The following DENND2D variants were observed in gnomAD, a reference collection of about 807,000 sequenced individuals.
DENND2D encodes DENN domain-containing protein 2D.
DENND2D carries 37 observed loss-of-function variants against 59.8 expected under a neutral mutation model. The observed-to-expected ratio is 0.62, with a 90% confidence interval of 0.48 to 0.81. The LOEUF (loss-of-function observed/expected upper bound fraction) is 0.81. DENND2D is among the 40% of genes least tolerant of loss of function. DENND2D has a pLI of 0.00. For synonymous variants in DENND2D, 219 were observed against 211.3 expected (o/e 1.04, Z -0.31); for missense variants, 525 against 579.7 (o/e 0.91, Z 0.97).
At chr1:111,197,647 C>G in intron 4 of DENND2D, 1 of 1,375,500 alleles carries the variant, frequency 7.3e-7, no homozygotes, top group Non-Finnish European at 9.4e-7. Flanking sequence ...GTAAGCAGGC[C>G]TGGATAGAGC....
intron 5 of DENND2D, 95 bp downstream of exon 5, chr1:111,197,081 G>A (rs917939923): frequency 7.3e-7 from 1 of 1,372,194 alleles, no homozygotes; most frequent in Non-Finnish European, 1.0e-6. Flanking sequence ...CTGGCTATGG[G>A]AGAAGAGCTC....
chr1:111,204,285 C>A, upstream of DENND2D: 2 of 1,473,114 alleles, frequency 1.4e-6, no homozygotes, highest in Non-Finnish European at 1.8e-6. Context: ...CTCTCCCCGG[C>A]CGGCACTAAC....
chr1:111,196,905 G>C, intron 5 of DENND2D: 2 of 412,354 alleles, frequency 4.9e-6, no homozygotes, highest in Non-Finnish European at 9.0e-6. Context: ...CAGGGCAGAA[G>C]TTTCTTCTGC....
At chr1:111,197,371 G>C in intron 4 of DENND2D, 118 bp from the exon 5 acceptor site, 1 of 1,499,836 alleles carries the variant, frequency 6.7e-7, no homozygotes, top group African/African-American at 1.4e-5. Flanking sequence ...GGAATGGTGG[G>C]TGCAGCAGGG....
At chr1:111,194,823 C>A in intron 6 of DENND2D, 97 bp from the exon 7 acceptor site, 1 of 1,383,776 alleles carries the variant, frequency 7.2e-7, no homozygotes, top group South Asian at 1.3e-5. Flanking sequence ...TCCTTCTGCC[C>A]CCAGGAGTGA....
At chr1:111,197,777 C>T (rs1396611043) in intron 4 of DENND2D, 143 bp downstream of exon 4, 1 of 1,457,906 alleles carries the variant, frequency 6.9e-7, no homozygotes, top group Non-Finnish European at 9.0e-7. Flanking sequence ...GGAGCACTAG[C>T]ATGGCAGCAG....
In DENND2D at chr1:111,195,688, A is replaced by G; in HGVS notation, c.645+228T>C. 5.7e-6 allele frequency: 3 copies of G among 521,922 alleles called. No individual in the cohort carries two copies. In the South Asian group the frequency reaches 6.3e-5, roughly 11 times the overall value. The allele number at this position is 521,922 out of a possible 1,614,324, so 32.3% of individuals were successfully genotyped here. Reference sequence around the variant, plus strand: ...CTTACATGGTTTATTTATTATAAATAAAAGTCTTGGTGGCTTGAGCAGTAA... The same window carrying G: ...CTTACATGGTTTATTTATTATAAATGAAAGTCTTGGTGGCTTGAGCAGTAA... On this transcript the variant is annotated intron_variant, in intron 6 of 11. Coordinates refer to ENST00000357640, the MANE Select transcript of DENND2D (RefSeq NM_024901.5).
intron 5 of DENND2D, 75 bp downstream of exon 5, chr1:111,197,101 C>T (rs1571192609): frequency 6.7e-7 from 1 of 1,502,800 alleles, no homozygotes; most frequent in East Asian, 2.4e-5. Context: ...CCACTAAGAG[C>T]TTAGTTGCAC....
chr1:111,203,115 CTG>C (rs1237733157), upstream of DENND2D, among the ~76,000 whole-genome samples: 1 of 152,242 alleles, frequency 6.6e-6, no homozygotes, highest in Non-Finnish European at 1.5e-5. Flanking sequence ...CTGCCCCAAA[CTG>C]TGGTCTCTGA....
chr1:111,186,977 GTGC>G lies in DENND2D; in HGVS notation c.*625_*627del, dbSNP rs1657286692. ...CAAGGACTTAGATGCCCTGTGTCCA[GTGC>G]TGCTGCTGCTTTTACCAGTATCTCT... On this transcript the variant is annotated 3_prime_UTR_variant, in exon 12 of 12. Coordinates refer to ENST00000357640, the MANE Select transcript of DENND2D (RefSeq NM_024901.5). Among the ~76,000 whole-genome samples the G allele has an allele frequency of 6.6e-6, 1 of 152,146 alleles. No individual in the cohort carries two copies. The highest frequency in any genetic ancestry group is 2.4e-5 in the African/African-American group (1 of 41,444).
chr1:111,192,188 T>G lies in DENND2D; in HGVS notation c.924A>C (p.Gly308=). 6.2e-7 allele frequency: 1 copy of G among 1,613,620 alleles called. No individual in the cohort carries two copies. Among genetic ancestry groups the G allele is most frequent in the Non-Finnish European group, 8.5e-7 (1 of 1,179,764 alleles). The change falls in exon 8 of 12, where the codon GGA becomes GGC. Residue 308 remains glycine (G), a synonymous_variant. Transcript: ENST00000357640. ...TVCCPTPFMV[G]VQMRFQQEVM... is the part of the protein sequence containing the mutation. ...CCTCCTGCTGGAAGCGCATTTGTAC[T>G]CCAACCATGAAGGGGGTGGGGCAGC... is the stretch of plus-strand genomic sequence containing the variant.
chr1:111,203,802 G>A (rs546843151), upstream of DENND2D, among the ~76,000 whole-genome samples: 7 of 152,296 alleles, frequency 4.6e-5, no homozygotes, highest in East Asian at 1.4e-3. Context: ...TCATCGGGGA[G>A]ACCTGTGTTT....
chr1:111,200,636 A>C lies in DENND2D; in HGVS notation c.-177T>G, dbSNP rs909572622. On this transcript the variant is annotated 5_prime_UTR_variant, in exon 1 of 12. Coordinates refer to ENST00000357640, the MANE Select transcript of DENND2D (RefSeq NM_024901.5). The stretch of plus-strand genomic sequence containing the variant: ...CATCCTGTGCACCCAGTGGTTGAGC[A>C]AGAAGGATGTGACGGGACCCAGGAA... 5.6e-5 allele frequency: 78 copies of C among 1,402,170 alleles called. No individual in the cohort carries two copies. The highest frequency in any genetic ancestry group is 7.1e-5 in the Non-Finnish European group (76 of 1,066,622). The allele number at this position is 1,402,170 out of a possible 1,614,324, so 86.9% of individuals were successfully genotyped here. A position where few individuals can be genotyped will look rare whatever the true frequency, so the allele number is the denominator to read the frequency against.
At chr1:111,193,845 A>G (rs928605382) in intron 7 of DENND2D, among the ~76,000 whole-genome samples, 2 of 152,174 alleles carry the variant, frequency 1.3e-5, no homozygotes, top group African/African-American at 4.8e-5. Flanking sequence ...CCATGGCACA[A>G]TAGTACCCTG....
chr1:111,197,468 A>G, intron 4 of DENND2D: 3 of 1,420,868 alleles, frequency 2.1e-6, no homozygotes, highest in Non-Finnish European at 2.7e-6. Flanking sequence ...CTTCAGTGCC[A>G]GCACAATCTG....
intron 4 of DENND2D, 39 bp from the exon 5 acceptor site, chr1:111,197,292 TCCCC>T: frequency 6.3e-7 from 1 of 1,590,576 alleles, no homozygotes; most frequent in East Asian, 2.3e-5. Context: ...TGCTGCAGCC[TCCCC>T]AAGGGCTTCT....
chr1:111,202,250 G>A (rs1480831663), upstream of DENND2D: 1 of 152,154 alleles, frequency 6.6e-6, no homozygotes, highest in Non-Finnish European at 1.5e-5. Flanking sequence ...AGCAAGCCAA[G>A]AGAATAGCAA....
intron 8 of DENND2D, among the ~76,000 whole-genome samples, chr1:111,190,959 A>C (rs1203653252): frequency 6.6e-6 from 1 of 152,100 alleles, no homozygotes; most frequent in African/African-American, 2.4e-5. Context: ...GTTCCCAGAA[A>C]TCTTTCCAGT....
At chr1:111,195,853 A>G (rs891844310) in intron 6 of DENND2D, 63 bp downstream of exon 6, 44 of 1,608,452 alleles carry the variant, frequency 2.7e-5, no homozygotes, top group Non-Finnish European at 3.6e-5. Context: ...AACAGTGGTG[A>G]GAGGTGCCAC....
Sources: gnomAD v4.1 joint callset for allele counts (sites outside exome capture counted in the v4.1 genomes callset) on GRCh38, gnomAD v4.1.1 for gene constraint, MANE v1.5 for transcripts, NCBI Gene and HGNC (gene_info 2026-07-23, HGNC 2026-07-21) for gene names.